Variants in EPC2 observed in about 807,000 individuals in gnomAD.
EPC2 encodes enhancer of polycomb homolog 2.
A neutral mutation model predicts 92.1 loss-of-function variants in EPC2; 14 were observed. The observed-to-expected ratio is 0.15, with a 90% CI of 0.10 to 0.24. The LOEUF (loss-of-function observed/expected upper bound fraction) is 0.24. Among genes scored for constraint, EPC2 ranks in the 10% least tolerant of loss-of-function variants. EPC2 has a pLI of 1.00. For missense variants in EPC2, 755 were observed against 971.5 expected, an observed-to-expected ratio of 0.78 and a Z score of 2.96; for synonymous variants, 340 against 334.7, an observed-to-expected ratio of 1.02 and a Z score of -0.17.
At chr2:148,706,248 A>C (rs899086316) in intron 2 of EPC2, among the ~76,000 whole-genome samples, 1 of 152,176 alleles carries the variant, frequency 6.6e-6, no homozygotes, top group Admixed American at 6.5e-5. Context: ...AAGAAAGGGT[A>C]TCAGTCATTG....
intron 8 of EPC2, among the ~76,000 whole-genome samples, chr2:148,770,451 A>G (rs1014067510): frequency 3.3e-5 from 5 of 152,224 alleles, no homozygotes; most frequent in African/African-American, 1.2e-4. Flanking sequence ...TAGGAAGCCT[A>G]CAAATTACTA....
At chr2:148,731,825 C>G (rs932257994) in intron 2 of EPC2, among the ~76,000 whole-genome samples, 3 of 152,210 alleles carry the variant, frequency 2.0e-5, no homozygotes, top group African/African-American at 7.2e-5. Flanking sequence ...ATGTATAAGT[C>G]TAACAAAAAT....
intron 1 of EPC2, among the ~76,000 whole-genome samples, chr2:148,659,115 A>C (rs1680882668): frequency 6.6e-6 from 1 of 152,162 alleles, no homozygotes; most frequent in African/African-American, 2.4e-5. Context: ...GAATAAAAAC[A>C]ATTCGGATAC....
chr2:148,662,745 C>T (rs1010554661), intron 1 of EPC2, among the ~76,000 whole-genome samples: 1 of 151,898 alleles, frequency 6.6e-6, no homozygotes, highest in Admixed American at 6.6e-5. Flanking sequence ...TGCAGCACAC[C>T]AACATGGCAC....
chr2:148,705,803 A>G (rs1193286552), intron 2 of EPC2, among the ~76,000 whole-genome samples: 2 of 152,232 alleles, frequency 1.3e-5, no homozygotes, highest in Admixed American at 6.5e-5. Context: ...AACAGCATCA[A>G]CATCAACCAA....
Position 148,767,700 on chromosome 2 carries a change from A to G in EPC2, c.1141-1451A>G, listed in dbSNP as rs1221069848. ...ACTTATGCCACTGAATTGCAGCTGAACAGAGCTAAAACTCTGCCTCTTGAT... is the reference window on the plus strand; with the variant it reads ...ACTTATGCCACTGAATTGCAGCTGAGCAGAGCTAAAACTCTGCCTCTTGAT... On this transcript the variant is annotated intron_variant, in intron 7 of 13. Coordinates refer to ENST00000258484, the MANE Select transcript of EPC2 (RefSeq NM_015630.4). 1.3e-5 allele frequency among the ~76,000 whole-genome samples: 2 copies of G among 152,212 alleles called. 1 individual carries two copies. Among genetic ancestry groups the G allele is most frequent in the Middle Eastern group, 6.3e-3 (2 of 316 alleles).
rs79183005 is a variant in EPC2, at chr2:148,699,306, A to G, written c.313+8933A>G. Among the ~76,000 whole-genome samples, 802 of 152,312 alleles carry G rather than the reference A, an allele frequency of 5.3e-3. 8 individuals carry two copies. Among genetic ancestry groups the G allele is most frequent in the African/African-American group, 0.019 (772 of 41,560 alleles). ...ATTTCTTACAGCTAATGATGTTATT[A>G]AAGTTCATAGTTACAGTTTGCTCTT... On this transcript the variant is annotated intron_variant, in intron 2 of 13. Transcript: ENST00000258484.
chr2:148,700,574 C>G (rs764151410), intron 2 of EPC2, among the ~76,000 whole-genome samples: 27 of 139,898 alleles, frequency 1.9e-4, no homozygotes, highest in Admixed American at 3.1e-4. Flanking sequence ...TATCTGGGCT[C>G]TATTCTGTTC....
intron 2 of EPC2, among the ~76,000 whole-genome samples, chr2:148,732,381 C>CT (rs752780229): frequency 0.044 from 5,882 of 132,910 alleles, 323 homozygotes; most frequent in African/African-American, 0.12. Flanking sequence ...TTATTTTTGT[C>CT]TTTTTTTTTT....
At chr2:148,739,010 A>G (rs1488743370) in intron 2 of EPC2, among the ~76,000 whole-genome samples, 2 of 152,188 alleles carry the variant, frequency 1.3e-5, no homozygotes, top group Admixed American at 1.3e-4. Flanking sequence ...TGCTGCCACT[A>G]TGAAGGAAGG....
chr2:148,771,273 C>G lies in EPC2; in HGVS notation c.1606C>G (p.Gln536Glu), dbSNP rs1402432738. 6.2e-7 allele frequency: 1 copy of G among 1,613,968 alleles called. No individual in the cohort carries two copies. The highest frequency in any genetic ancestry group is 8.5e-7 in the Non-Finnish European group (1 of 1,179,864). ...QCFQPRLLNL[Q>E]DSDSEECTSR... ...TTTCCAGCCAAGGCTACTAAATTTACAGGACAGTGATAGTGAAGAATGTAC... is the reference window on the plus strand; with the variant it reads ...TTTCCAGCCAAGGCTACTAAATTTAGAGGACAGTGATAGTGAAGAATGTAC... Residue 536 changes from glutamine (Q) to glutamate (E), a missense_variant, in exon 10 of 14, where the codon CAG becomes GAG. Gln to Glu is a conservative substitution (Grantham distance 29). Transcript: ENST00000258484.
At chr2:148,695,574 A>C (rs1160896989) in intron 2 of EPC2, among the ~76,000 whole-genome samples, 1 of 152,244 alleles carries the variant, frequency 6.6e-6, no homozygotes, top group Admixed American at 6.5e-5. Flanking sequence ...CAGTCTCATT[A>C]TCCTTGGAAA....
At chr2:148,647,347 G>A (rs1288752433) in intron 1 of EPC2, among the ~76,000 whole-genome samples, 1 of 151,880 alleles carries the variant, frequency 6.6e-6, no homozygotes, top group African/African-American at 2.4e-5. Flanking sequence ...AGCTCTTGTC[G>A]CCCAGGCTTG....
intron 1 of EPC2, 35 bp from the exon 2 acceptor site, chr2:148,690,179 A>G (rs1245358233): frequency 1.3e-6 from 2 of 1,551,160 alleles, no homozygotes; most frequent in Non-Finnish European, 1.7e-6. Flanking sequence ...TAATATTACT[A>G]AAACAACTTA....
At chr2:148,725,899 A>G (rs1682485114) in intron 2 of EPC2, among the ~76,000 whole-genome samples, 1 of 152,144 alleles carries the variant, frequency 6.6e-6, no homozygotes, top group African/African-American at 2.4e-5. Context: ...ACATTGTTGT[A>G]CAACAGGTCT....
chr2:148,726,991 G>T (rs1303575608), intron 2 of EPC2, among the ~76,000 whole-genome samples: 1 of 151,876 alleles, frequency 6.6e-6, no homozygotes, highest in Non-Finnish European at 1.5e-5. Flanking sequence ...TCATATCCAA[G>T]AAATCACTGT....
intron 2 of EPC2, among the ~76,000 whole-genome samples, chr2:148,694,781 T>C (rs1681712488): frequency 6.6e-6 from 1 of 152,156 alleles, no homozygotes; most frequent in African/African-American, 2.4e-5. Context: ...GCCCAAACCC[T>C]GGTGACGGAA....
intron 2 of EPC2, among the ~76,000 whole-genome samples, chr2:148,732,279 A>G (rs1558823272): frequency 6.6e-6 from 1 of 151,960 alleles, no homozygotes; most frequent in Non-Finnish European, 1.5e-5. Context: ...GCTCTTAGCT[A>G]GTGACTGGTT....
intron 1 of EPC2, among the ~76,000 whole-genome samples, chr2:148,679,599 G>A (rs192858384): frequency 1.3e-5 from 2 of 152,276 alleles, no homozygotes; most frequent in Non-Finnish European, 2.9e-5. Flanking sequence ...CTAGTTCTTT[G>A]ATGTTGTTTG....
Sources: gnomAD v4.1 joint callset for allele counts (sites outside exome capture counted in the v4.1 genomes callset) on GRCh38, gnomAD v4.1.1 for gene constraint, MANE v1.5 for transcripts, NCBI Gene and HGNC (gene_info 2026-07-23, HGNC 2026-07-21) for gene names.